Variants in TEC observed in about 807,000 individuals in gnomAD.
TEC encodes tyrosine-protein kinase Tec.
TEC carries 72 observed loss-of-function variants against 93.0 expected under a neutral mutation model. That is an observed-to-expected ratio of 0.77 (90% CI 0.64 to 0.94). The LOEUF (loss-of-function observed/expected upper bound fraction) is 0.94, where lower values mean the gene tolerates loss of function less well. TEC is among the 40% of genes least tolerant of loss of function. The probability of loss-of-function intolerance (pLI) is 0.00; values close to 1 mark genes in which losing one functional copy is unlikely to be tolerated. For synonymous variants in TEC, 249 were observed against 247.7 expected, an observed-to-expected ratio of 1.01 and a Z score of -0.05; for missense variants, 630 against 757.9, an observed-to-expected ratio of 0.83 and a Z score of 1.98.
chr4:48,143,405 TGTTCTTA>T (rs1719766733), intron 14 of TEC, among the ~76,000 whole-genome samples: 1 of 152,362 alleles, frequency 6.6e-6, no homozygotes, highest in African/African-American at 2.4e-5. Context: ...ACATCTATTT[TGTTCTTA>T]GTTCTTAGTT....
At chr4:48,232,836 A>T (rs1415571407) in intron 1 of TEC, among the ~76,000 whole-genome samples, 1 of 152,376 alleles carries the variant, frequency 6.6e-6, no homozygotes, top group East Asian at 1.9e-4. Flanking sequence ...GGCTGGAAAC[A>T]ACCCAATTTC....
chr4:48,195,932 G>A (rs1360529400), intron 2 of TEC, among the ~76,000 whole-genome samples: 2 of 152,146 alleles, frequency 1.3e-5, no homozygotes, highest in Non-Finnish European at 2.9e-5. Context: ...GCCACTCACT[G>A]AGTGCCCACC....
At chr4:48,252,816 C>G (rs1724238949) in intron 1 of TEC, among the ~76,000 whole-genome samples, 1 of 152,190 alleles carries the variant, frequency 6.6e-6, no homozygotes, top group Non-Finnish European at 1.5e-5. Context: ...AATGTAGGAA[C>G]ACTGGGTGAC....
intron 11 of TEC, among the ~76,000 whole-genome samples, chr4:48,147,116 A>G (rs558318747): frequency 6.6e-6 from 1 of 152,282 alleles, no homozygotes; most frequent in East Asian, 1.9e-4. Flanking sequence ...ATGACGGTGA[A>G]AAATAAAACT....
chr4:48,244,450 A>G (rs1724001706), intron 1 of TEC, among the ~76,000 whole-genome samples: 1 of 152,146 alleles, frequency 6.6e-6, no homozygotes, highest in Non-Finnish European at 1.5e-5. Flanking sequence ...TAATCATCAG[A>G]TCTTGTAGAC....
chr4:48,221,755 T>C (rs1353694611), intron 2 of TEC, among the ~76,000 whole-genome samples: 1 of 152,126 alleles, frequency 6.6e-6, no homozygotes, highest in Non-Finnish European at 1.5e-5. Context: ...GGTTGGAGGG[T>C]AGGGCTGAAA....
rs548834033 is a variant in TEC, at chr4:48,148,748, T to C, written c.1006+809A>G. On this transcript the variant is annotated intron_variant, in intron 11 of 17. Transcript: ENST00000381501. ...GGTAAACTTGTGTCATGGGGGTCTGTTGTACAGATTATTTCATCACCCAGG... is the reference window on the plus strand; with the variant it reads ...GGTAAACTTGTGTCATGGGGGTCTGCTGTACAGATTATTTCATCACCCAGG... 4.5e-4 allele frequency among the ~76,000 whole-genome samples: 69 copies of C among 152,324 alleles called. 2 individuals carry two copies. The South Asian group carries it at 0.014, about 31-fold the overall frequency.
At chr4:48,195,498 C>T (rs1722269995) in intron 2 of TEC, among the ~76,000 whole-genome samples, 1 of 152,162 alleles carries the variant, frequency 6.6e-6, no homozygotes, top group South Asian at 2.1e-4. Flanking sequence ...GCCTTAGAAA[C>T]AACAACAATC....
At chr4:48,176,266 C>G (rs1721321384) in intron 2 of TEC, 80 bp from the exon 3 acceptor site, 1 of 1,091,774 alleles carries the variant, frequency 9.2e-7, no homozygotes, top group African/African-American at 1.6e-5. Flanking sequence ...GGAAATTTTG[C>G]TCTGATTCAA....
chr4:48,173,288 C>A (rs1409174526), intron 3 of TEC, among the ~76,000 whole-genome samples: 2 of 152,156 alleles, frequency 1.3e-5, no homozygotes, highest in African/African-American at 4.8e-5. Context: ...GTTAGACTAG[C>A]TAACCGCCTC....
chr4:48,180,417 A>T (rs1471222210), intron 2 of TEC, among the ~76,000 whole-genome samples: 1 of 152,164 alleles, frequency 6.6e-6, no homozygotes, highest in Non-Finnish European at 1.5e-5. Flanking sequence ...AGGATTTCAT[A>T]ATATGATGGG....
chr4:48,163,758 T>A lies in TEC; in HGVS notation c.681A>T (p.Gly227=), dbSNP rs780780901. 3.4e-6 allele frequency: 5 copies of A among 1,485,436 alleles called. No individual in the cohort carries two copies. In the South Asian group the frequency reaches 5.2e-5, roughly 15 times the overall value. 92.0% of individuals were successfully genotyped at this position (1,485,436 alleles called of 1,614,324 possible). A position where few individuals can be genotyped will look rare whatever the true frequency, so the allele number is the denominator to read the frequency against. Reference sequence around the variant, plus strand: ...CCGTTACGTAATTACTTGGGATATATCCTTCATTCCTAGAAATAAGAAAAA... The same window carrying A: ...CCGTTACGTAATTACTTGGGATATAACCTTCATTCCTAGAAATAAGAAAAA... The part of the protein sequence containing the change: ...WRARDKYGNE[G]YIPSNYVTGK... Residue 227 remains glycine (G), a synonymous_variant, in exon 8 of 18, where the codon GGA becomes GGT. Transcript: ENST00000381501.
rs1241549571 is a variant in TEC at position 48,145,236 on chromosome 4, A to G, written c.1313T>C (p.Ile438Thr). The G allele has an allele frequency of 4.3e-6, 7 of 1,614,134 alleles. No individual in the cohort carries two copies. The highest frequency in any genetic ancestry group is 5.9e-6 in the Non-Finnish European group (7 of 1,180,016). The change falls in exon 14 of 18, where the codon ATA (isoleucine) becomes ACA (threonine). Residue 438 changes from isoleucine (I) to threonine (T), a missense_variant. Ile to Thr is a moderately conservative substitution (Grantham distance 89, BLOSUM62 -1). Coordinates refer to ENST00000381501, the MANE Select transcript of TEC (RefSeq NM_003215.3). ...LYGVCTQQKP[I>T]YIVTEFMERG... The stretch of plus-strand genomic sequence containing the variant: ...TTCCATGAACTCAGTAACAATGTAT[A>G]TTGGTTTCTGCTGGGTGCACACACC...
intron 1 of TEC, among the ~76,000 whole-genome samples, chr4:48,262,216 A>ATTTTTTTTTTTTTTTT (rs1724514822): frequency 3.0e-4 from 1 of 3,340 alleles, no homozygotes; most frequent in Admixed American, 8.3e-3. Flanking sequence ...TTTTTTTTTG[A>ATTTTTTTTTTTTTTTT]GACGGAGTCT....
At chr4:48,160,319 A>C (rs16851701) in intron 8 of TEC, among the ~76,000 whole-genome samples, 3,452 of 152,270 alleles carry the variant, frequency 0.023, 145 homozygotes, top group African/African-American at 0.08. Context: ...CTGTTATGCT[A>C]ATCAATGGGG....
chr4:48,208,374 G>A (rs545740834), intron 2 of TEC, among the ~76,000 whole-genome samples: 8 of 152,210 alleles, frequency 5.3e-5, no homozygotes, highest in East Asian at 3.9e-4. Context: ...GTGCCCTGGC[G>A]TGGCAACATA....
chr4:48,159,071 A>G (rs1159784752), intron 8 of TEC, among the ~76,000 whole-genome samples: 1 of 149,450 alleles, frequency 6.7e-6, no homozygotes, highest in Non-Finnish European at 1.5e-5. Context: ...GTGATTATCT[A>G]TCTCCAGGCA....
At position 48,245,351 on chromosome 4, in the gene TEC, A is replaced by G. The variant is rs1724026816; in HGVS notation, c.-45-16692T>C. ...AACTATTGTTTGAGAACTCTAGATT[A>G]AAATTATGAGTTTTCCAAATGTCAT... On this transcript the variant is annotated intron_variant, in intron 1 of 17. Transcript: ENST00000381501. Among the ~76,000 whole-genome samples the G allele has an allele frequency of 2.0e-5, 3 of 152,178 alleles. No individual in the cohort carries two copies. In the South Asian group the frequency reaches 6.2e-4, roughly 31 times the overall value.
chr4:48,137,178 G>A lies in TEC; in HGVS notation c.*238C>T. 7.8e-6 allele frequency: 4 copies of A among 514,532 alleles called. No homozygotes were observed. The highest frequency in any genetic ancestry group is 1.0e-5 in the Non-Finnish European group (3 of 289,352). 31.9% of individuals were successfully genotyped at this position (514,532 alleles called of 1,614,324 possible). A position where few individuals can be genotyped will look rare whatever the true frequency, so the allele number is the denominator to read the frequency against. The stretch of plus-strand genomic sequence containing the variant: ...GTAAACAACTGTCACTCAAGTGCCT[G>A]AGGAATGAATAGAAATGAGTGATTT... On this transcript the variant is annotated 3_prime_UTR_variant, in exon 18 of 18. Transcript: ENST00000381501.
Sources: gnomAD v4.1 joint callset for allele counts (sites outside exome capture counted in the v4.1 genomes callset) on GRCh38, gnomAD v4.1.1 for gene constraint, MANE v1.5 for transcripts, NCBI Gene and HGNC (gene_info 2026-07-23, HGNC 2026-07-21) for gene names.